CCSER1: variants seen among roughly 807,000 people sequenced by gnomAD.
CCSER1 encodes coiled-coil serine rich protein 1.
Under a neutral mutation model 82.0 loss-of-function variants are expected in CCSER1, and 41 were observed. That is an observed-to-expected ratio of 0.50 (90% CI 0.39 to 0.65). The LOEUF (loss-of-function observed/expected upper bound fraction) is 0.65. Among genes scored for constraint, CCSER1 ranks in the 30% least tolerant of loss-of-function variants. CCSER1 has a pLI of 0.00. For missense variants in CCSER1, 1,119 were observed against 1,064.2 expected (o/e 1.05, Z -0.72); for synonymous variants, 414 against 383.9 (o/e 1.08, Z -0.92).
chr4:90,268,778 C>A (rs1725710424), intron 1 of CCSER1, among the ~76,000 whole-genome samples: 1 of 151,674 alleles, frequency 6.6e-6, no homozygotes, highest in Non-Finnish European at 1.5e-5. Flanking sequence ...AAAACAAGAC[C>A]AAACGATCTG....
chr4:91,243,596 A>T (rs1739541277), intron 10 of CCSER1, among the ~76,000 whole-genome samples: 3 of 152,166 alleles, frequency 2.0e-5, no homozygotes, highest in Non-Finnish European at 4.4e-5. Flanking sequence ...AGGACGGGGC[A>T]CTGGGTAGAA....
At chr4:91,528,868 A>G (rs1476299054) in intron 10 of CCSER1, among the ~76,000 whole-genome samples, 1 of 152,210 alleles carries the variant, frequency 6.6e-6, no homozygotes, top group East Asian at 1.9e-4. Flanking sequence ...TTATCTGGGT[A>G]TAAAATACTA....
intron 9 of CCSER1, among the ~76,000 whole-genome samples, chr4:91,043,478 T>A (rs969464117): frequency 6.6e-6 from 1 of 151,496 alleles, no homozygotes; most frequent in Non-Finnish European, 1.5e-5. Context: ...CACATACAAA[T>A]ATATAATTTT....
At chr4:90,572,413 T>TTAAAGAAATTTTCTATCCTATTATGTTTC (rs1780215570) in intron 5 of CCSER1, among the ~76,000 whole-genome samples, 1 of 152,162 alleles carries the variant, frequency 6.6e-6, no homozygotes, top group African/African-American at 2.4e-5. Flanking sequence ...TACTATCTTG[T>TTAAAGAAATTTTCTATCCTATTATGTTTC]TAAAGAAATT....
intron 9 of CCSER1, among the ~76,000 whole-genome samples, chr4:91,061,281 T>TA (rs111414881): frequency 0.025 from 3,610 of 145,078 alleles, 65 homozygotes; most frequent in Non-Finnish European, 0.04. Flanking sequence ...AAATGCAAAT[T>TA]AAAAAAAAAA....
At chr4:90,764,532 G>A (rs1238632892) in intron 7 of CCSER1, among the ~76,000 whole-genome samples, 1 of 152,074 alleles carries the variant, frequency 6.6e-6, no homozygotes. Context: ...TGGAGTATAG[G>A]CTGCATGGAT....
intron 10 of CCSER1, among the ~76,000 whole-genome samples, chr4:91,482,853 C>G (rs1246917873): frequency 6.6e-6 from 1 of 152,004 alleles, no homozygotes; most frequent in South Asian, 2.1e-4. Flanking sequence ...GACAAAAAAC[C>G]AAACACCGCA....
intron 1 of CCSER1, among the ~76,000 whole-genome samples, chr4:90,161,723 T>C (rs1345895193): frequency 6.6e-6 from 1 of 152,146 alleles, no homozygotes; most frequent in Non-Finnish European, 1.5e-5. Context: ...AAACTTGAAG[T>C]CTTTATTTCT....
intron 3 of CCSER1, among the ~76,000 whole-genome samples, chr4:90,369,754 C>A (rs1465612176): frequency 6.6e-6 from 1 of 151,932 alleles, no homozygotes; most frequent in Non-Finnish European, 1.5e-5. Context: ...TGTCCTCCAC[C>A]TACCCCTCCA....
intron 4 of CCSER1, among the ~76,000 whole-genome samples, chr4:90,457,837 C>T (rs1394520936): frequency 6.6e-6 from 1 of 152,204 alleles, no homozygotes; most frequent in Non-Finnish European, 1.5e-5. Context: ...CCTCTTTCCA[C>T]CCAGGAGCCT....
At chr4:91,075,991 C>T (rs1721953876) in intron 9 of CCSER1, among the ~76,000 whole-genome samples, 1 of 152,156 alleles carries the variant, frequency 6.6e-6, no homozygotes, top group Non-Finnish European at 1.5e-5. Flanking sequence ...AACTTGAAGA[C>T]AGTCTTGCTC....
intron 1 of CCSER1, among the ~76,000 whole-genome samples, chr4:90,164,997 A>T (rs1356778158): frequency 6.6e-6 from 1 of 152,060 alleles, no homozygotes; most frequent in Non-Finnish European, 1.5e-5. Context: ...AGACATATAG[A>T]TATTTCATGA....
At chr4:91,353,895 C>T (rs944391036) in intron 10 of CCSER1, among the ~76,000 whole-genome samples, 11 of 152,176 alleles carry the variant, frequency 7.2e-5, no homozygotes, top group Admixed American at 7.2e-4. Flanking sequence ...ATCTGTGCCA[C>T]ACTTGCATGG....
intron 10 of CCSER1, among the ~76,000 whole-genome samples, chr4:91,329,135 T>A (rs970804134): frequency 1.1e-4 from 17 of 152,350 alleles, no homozygotes; most frequent in African/African-American, 3.4e-4. Flanking sequence ...TGTATTAGTA[T>A]AATATCACAT....
intron 5 of CCSER1, among the ~76,000 whole-genome samples, chr4:90,599,120 G>A (rs181109633): frequency 6.6e-6 from 1 of 152,206 alleles, no homozygotes; most frequent in African/African-American, 2.4e-5. Flanking sequence ...CTCAGGAACT[G>A]TAAAGACTGC....
rs947845621 is a variant in CCSER1, at chr4:90,980,395, C to T, written c.2172+56948C>T. On this transcript the variant is annotated intron_variant, in intron 9 of 10. Transcript: ENST00000509176. ...CTGTAGGAGATAAGTCATCTAAGGT[C>T]GTGTGAGTACACAGAACAAGTGATG... Among the ~76,000 whole-genome samples the T allele has an allele frequency of 4.6e-5, 7 of 151,730 alleles. No individual in the cohort carries two copies. The East Asian group carries it at 9.7e-4, about 21-fold the overall frequency.
intron 4 of CCSER1, among the ~76,000 whole-genome samples, chr4:90,410,803 A>T (rs1754645048): frequency 6.6e-6 from 1 of 152,214 alleles, no homozygotes; most frequent in East Asian, 1.9e-4. Flanking sequence ...ATAGAGACAC[A>T]AAAAACCCTT....
intron 10 of CCSER1, among the ~76,000 whole-genome samples, chr4:91,117,892 T>C (rs1265088626): frequency 1.3e-5 from 2 of 152,182 alleles, no homozygotes; most frequent in African/African-American, 4.8e-5. Context: ...TAATCATCCT[T>C]TTTTACTTTC....
intron 1 of CCSER1, among the ~76,000 whole-genome samples, chr4:90,193,528 C>G (rs1329030802): frequency 6.6e-6 from 1 of 150,852 alleles, no homozygotes; most frequent in Non-Finnish European, 1.5e-5. Flanking sequence ...GGAAACTGTA[C>G]AATTATGATA....
Sources: allele counts gnomAD v4.1 joint callset (sites outside exome capture counted in the v4.1 genomes callset), GRCh38; gene constraint gnomAD v4.1.1; transcripts MANE v1.5; gene names NCBI Gene and HGNC (gene_info 2026-07-23, HGNC 2026-07-21).